The following BACH2 variants were observed in gnomAD, a reference collection of about 807,000 sequenced individuals.
BACH2 encodes transcription regulator protein BACH2.
BACH2 carries 5 observed loss-of-function variants against 61.8 expected under a neutral mutation model. The observed-to-expected ratio is 0.08, with a 90% CI of 0.04 to 0.17. The LOEUF is 0.17. Among genes scored for constraint, BACH2 ranks in the 10% least tolerant of loss-of-function variants. The pLI is 1.00. For missense variants in BACH2, 824 were observed against 1,091.1 expected (o/e 0.76, Z 3.45); for synonymous variants, 446 against 440.1 (o/e 1.01, Z -0.17).
rs2128353823 is a variant in BACH2, at chr6:89,938,248, T to C, written c.1939A>G (p.Ile647Val). Residue 647 changes from isoleucine to valine, a missense_variant, in exon 8 of 9, where the codon ATT becomes GTT. By Grantham distance (29) the Ile-to-Val change is conservative. Coordinates refer to ENST00000257749, the MANE Select transcript of BACH2 (RefSeq NM_021813.4). ...TTGCTGCGCCGTCGGACATCATGAA[T>C]AAACTCTAACTGTTCTGAGGTTAGC... is the stretch of plus-strand genomic sequence containing the variant. The part of the protein sequence containing the change: ...HKLTSEQLEF[I>V]HDVRRRSKNR... 1.2e-6 allele frequency: 2 copies of C among 1,614,252 alleles called. No individual in the cohort carries two copies. The highest frequency in any genetic ancestry group is 4.5e-5 in the East Asian group (2 of 44,876).
rs1277239075 is a variant in BACH2 at position 89,951,542 on chromosome 6, C to T, written c.564G>A (p.Glu188=). 6.2e-7 allele frequency: 1 copy of T among 1,614,220 alleles called. No individual in the cohort carries two copies. The highest frequency in any genetic ancestry group is 1.1e-5 in the South Asian group (1 of 91,086). ...MACPRDQMLP[E]PISFEAAAIP... ...TGGCGGCGGCCTCAAAGCTGATGGG[C>T]TCTGGAAGCATCTGGTCCCTGGGGC... The change falls in exon 7 of 9, where the codon GAG becomes GAA. Residue 188 remains glutamate (E), a synonymous_variant. Coordinates refer to ENST00000257749, the MANE Select transcript of BACH2 (RefSeq NM_021813.4). This position sits in a 1 kb window ranked among gnomAD's most constrained non-coding sequence, Gnocchi z 6.4.
chr6:90,153,574 CAG>C (rs1241068684), intron 4 of BACH2, among the ~76,000 whole-genome samples: 1 of 152,062 alleles, frequency 6.6e-6, no homozygotes, highest in Non-Finnish European at 1.5e-5. Flanking sequence ...GAAACACTAA[CAG>C]ATAAATTTTA....
At chr6:89,949,006 C>T (rs932480593) in intron 7 of BACH2, among the ~76,000 whole-genome samples, 4 of 152,162 alleles carry the variant, frequency 2.6e-5, no homozygotes, top group Non-Finnish European at 5.9e-5. Flanking sequence ...GGCACAGGGG[C>T]CTTTGGCATC....
chr6:90,269,599 A>C (rs1771455383), intron 2 of BACH2, among the ~76,000 whole-genome samples: 1 of 152,218 alleles, frequency 6.6e-6, no homozygotes, highest in South Asian at 2.1e-4. Flanking sequence ...CAGCATCAAA[A>C]GACAGGGCAC....
At chr6:90,056,635 A>T (rs1455735051) in intron 5 of BACH2, among the ~76,000 whole-genome samples, 1 of 152,194 alleles carries the variant, frequency 6.6e-6, no homozygotes, top group Non-Finnish European at 1.5e-5. Flanking sequence ...ATAGACATCT[A>T]CAGAACTCTC....
intron 5 of BACH2, among the ~76,000 whole-genome samples, chr6:90,073,758 T>A (rs1781350144): frequency 6.6e-6 from 1 of 152,192 alleles, no homozygotes; most frequent in Non-Finnish European, 1.5e-5. Context: ...AGGATAGGGT[T>A]CACATTAAAG....
chr6:89,999,361 G>A, intron 6 of BACH2, among the ~76,000 whole-genome samples: 1 of 152,016 alleles, frequency 6.6e-6, no homozygotes, highest in East Asian at 1.9e-4. Context: ...ATGAAGCCAT[G>A]CTAATTGGAC....
At chr6:90,126,367 T>C (rs1376891715) in intron 4 of BACH2, among the ~76,000 whole-genome samples, 1 of 152,202 alleles carries the variant, frequency 6.6e-6, no homozygotes, top group Non-Finnish European at 1.5e-5. Context: ...GCTGCTACAG[T>C]GTCAACAATG....
At chr6:89,984,766 T>C (rs954466087) in intron 6 of BACH2, among the ~76,000 whole-genome samples, 8 of 152,200 alleles carry the variant, frequency 5.3e-5, no homozygotes, top group African/African-American at 1.9e-4. Flanking sequence ...TGTAATATTT[T>C]CTCTAATTGC....
chr6:90,246,966 AC>A, intron 3 of BACH2, among the ~76,000 whole-genome samples: 1 of 152,340 alleles, frequency 6.6e-6, no homozygotes, highest in South Asian at 2.1e-4. Flanking sequence ...TGAAAAACAT[AC>A]TTGTAAATTT....
chr6:90,175,556 T>C (rs1165656750), intron 4 of BACH2, among the ~76,000 whole-genome samples: 32 of 152,156 alleles, frequency 2.1e-4, no homozygotes, highest in Admixed American at 2.1e-3. Flanking sequence ...AAAGAGAATT[T>C]TTCAAAATTC....
chr6:90,166,348 CAAT>C (rs1767616578), intron 4 of BACH2, among the ~76,000 whole-genome samples: 1 of 152,066 alleles, frequency 6.6e-6, no homozygotes, highest in Non-Finnish European at 1.5e-5. Context: ...ATCAAAACCA[CAAT>C]GAGATACCAT....
intron 7 of BACH2, among the ~76,000 whole-genome samples, chr6:89,939,381 G>C (rs1773254734): frequency 6.6e-6 from 1 of 152,102 alleles, no homozygotes; most frequent in African/African-American, 2.4e-5. Context: ...TGCTCAGATG[G>C]GCAACTCCTG....
chr6:89,971,471 TGA>T (rs1158801371), intron 6 of BACH2, among the ~76,000 whole-genome samples: 2 of 152,196 alleles, frequency 1.3e-5, no homozygotes, highest in Non-Finnish European at 2.9e-5. Context: ...GTACTTGGTC[TGA>T]GAGGTTCTAG....
intron 4 of BACH2, among the ~76,000 whole-genome samples, chr6:90,127,467 G>C (rs1021320084): frequency 6.6e-6 from 1 of 152,148 alleles, no homozygotes; most frequent in African/African-American, 2.4e-5. Flanking sequence ...TTATTATACC[G>C]CCTTGGCAGA....
chr6:90,093,349 C>T (rs1396806205), intron 4 of BACH2, among the ~76,000 whole-genome samples: 2 of 152,102 alleles, frequency 1.3e-5, no homozygotes, highest in African/African-American at 4.8e-5. Flanking sequence ...TATGAGTGCA[C>T]ATCAGGGTCA....
chr6:90,020,044 G>C (rs1236875418), intron 5 of BACH2, among the ~76,000 whole-genome samples: 2 of 152,210 alleles, frequency 1.3e-5, no homozygotes, highest in Non-Finnish European at 2.9e-5. Flanking sequence ...TCGTGGAGCT[G>C]TTGTTAGACT....
chr6:90,257,906 G>T (rs917050633), intron 2 of BACH2, among the ~76,000 whole-genome samples: 2 of 152,126 alleles, frequency 1.3e-5, no homozygotes, highest in African/African-American at 4.8e-5. Context: ...CTCCCAAGTA[G>T]CTGGAATTAC....
chr6:90,268,290 A>G (rs369938812), intron 2 of BACH2, among the ~76,000 whole-genome samples: 30 of 152,184 alleles, frequency 2.0e-4, no homozygotes, highest in African/African-American at 5.8e-4. Flanking sequence ...ACAGCCATGA[A>G]CCACTGTACC....
Sources: gnomAD v4.1 joint callset for allele counts (sites outside exome capture counted in the v4.1 genomes callset) on GRCh38, gnomAD v4.1.1 for gene constraint, Gnocchi (gnomAD v3.1) non-coding constraint, MANE v1.5 for transcripts, NCBI Gene and HGNC (gene_info 2026-07-23, HGNC 2026-07-21) for gene names.